The following PGGT1B variants were observed in gnomAD, a reference collection of about 807,000 sequenced individuals.
PGGT1B encodes the protein geranylgeranyl transferase type-1 subunit beta.
In PGGT1B, 30 loss-of-function variants were observed where a neutral mutation model predicts 46.1. That is an observed-to-expected ratio of 0.65 (90% CI 0.49 to 0.88). The LOEUF (loss-of-function observed/expected upper bound fraction) is 0.88. PGGT1B is among the 40% of genes least tolerant of loss of function. The pLI, the probability that PGGT1B is intolerant of heterozygous loss-of-function variation, is 0.00. For missense variants in PGGT1B, 376 were observed against 455.9 expected, an observed-to-expected ratio of 0.82 and a Z score of 1.60; for synonymous variants, 170 against 160.0, an observed-to-expected ratio of 1.06 and a Z score of -0.47.
At chr5:115,258,219 T>A (rs577958527) in intron 1 of PGGT1B, among the ~76,000 whole-genome samples, 14 of 152,348 alleles carry the variant, frequency 9.2e-5, no homozygotes, top group African/African-American at 3.4e-4. Context: ...AATCATCTTC[T>A]TCCTTTCTCA....
In PGGT1B at chr5:115,234,235, T is replaced by C. The variant is rs1190980709; in HGVS notation, c.612+2155A>G. Among the ~76,000 whole-genome samples, 14 of 149,084 alleles carry C rather than the reference T, an allele frequency of 9.4e-5. No individual in the cohort carries two copies. The East Asian group carries it at 2.5e-3, about 27-fold the overall frequency. On this transcript the variant is annotated intron_variant, in intron 5 of 8. Transcript: ENST00000419445. ...AACAGCAAAAAAAAAAAGAATATGG[T>C]ATGCTACCTTATGAAGAAAGGAAAA...
At position 115,241,610 on chromosome 5, in the gene PGGT1B, G is replaced by A. The variant is rs776584704; in HGVS notation, c.260-4C>T. 1.2e-6 allele frequency: 2 copies of A among 1,602,114 alleles called. No homozygotes were observed. Among genetic ancestry groups the A allele is most frequent in the Non-Finnish European group, 1.7e-6 (2 of 1,172,716 alleles). On this transcript the variant is annotated splice_polypyrimidine_tract_variant and splice_region_variant and intron_variant, in intron 2 of 8. Coordinates refer to ENST00000419445, the MANE Select transcript of PGGT1B (RefSeq NM_005023.4). ...CCACAGCGATTTAGATTTGATCCTA[G>A]AAAATAAAAGCATGTGCTTATTTAA...
intron 1 of PGGT1B, among the ~76,000 whole-genome samples, chr5:115,258,190 T>G (rs186549970): frequency 4.2e-4 from 64 of 152,352 alleles, no homozygotes; most frequent in African/African-American, 1.4e-3. Context: ...GGAGGTTACA[T>G]GTTAAGTGCT....
chr5:115,256,381 A>G (rs1748312867), intron 1 of PGGT1B, among the ~76,000 whole-genome samples: 1 of 152,206 alleles, frequency 6.6e-6, no homozygotes, highest in Admixed American at 6.5e-5. Context: ...CTGGATATGA[A>G]TGCACTCTAC....
intron 5 of PGGT1B, among the ~76,000 whole-genome samples, chr5:115,232,399 T>C (rs771249353): frequency 6.6e-6 from 1 of 152,028 alleles, no homozygotes; most frequent in Admixed American, 6.6e-5. Context: ...TGGAAGCTGA[T>C]AGAAACTTAG....
At chr5:115,234,041 G>A (rs915571984) in intron 5 of PGGT1B, among the ~76,000 whole-genome samples, 11 of 151,502 alleles carry the variant, frequency 7.3e-5, no homozygotes, top group Non-Finnish European at 1.6e-4. Flanking sequence ...TCTAAATGTA[G>A]AATAGCTGAA....
At chr5:115,251,873 C>A (rs1205025226) in intron 2 of PGGT1B, among the ~76,000 whole-genome samples, 1 of 151,812 alleles carries the variant, frequency 6.6e-6, no homozygotes, top group Non-Finnish European at 1.5e-5. Flanking sequence ...TTCTACCATA[C>A]CTCAGTCTAA....
intron 5 of PGGT1B, among the ~76,000 whole-genome samples, chr5:115,234,448 G>T (rs1229059143): frequency 6.6e-6 from 1 of 152,028 alleles, no homozygotes; most frequent in Admixed American, 6.6e-5. Context: ...TTTTTGTATA[G>T]TTCTGACCTT....
rs1756146623 is a variant in PGGT1B, at chr5:115,209,110, T to A, written c.*3292A>T. The A allele has an allele frequency of 6.6e-6, 1 of 152,012 alleles. No individual in the cohort carries two copies. Among genetic ancestry groups the A allele is most frequent in the Non-Finnish European group, 1.5e-5 (1 of 67,982 alleles). The allele number at this position is 152,012 out of a possible 1,614,324, so 9.4% of individuals were successfully genotyped here. ...TTAGAGCTCCCATTTTCACAGTGAT[T>A]TAAAAGAATATATATATATATGAAA... On this transcript the variant is annotated 3_prime_UTR_variant, in exon 9 of 9. Transcript: ENST00000419445.
chr5:115,257,317 A>G (rs1748362466), intron 1 of PGGT1B, among the ~76,000 whole-genome samples: 1 of 152,142 alleles, frequency 6.6e-6, no homozygotes, highest in Non-Finnish European at 1.5e-5. Flanking sequence ...ACTCGAGACC[A>G]GCCTGGCCAA....
intron 8 of PGGT1B, among the ~76,000 whole-genome samples, chr5:115,213,485 A>C (rs1451008650): frequency 1.3e-5 from 2 of 152,168 alleles, no homozygotes. Context: ...TAAAGTTCAA[A>C]ACAGGCTGGG....
chr5:115,247,003 T>C (rs1305089861), intron 2 of PGGT1B, among the ~76,000 whole-genome samples: 2 of 152,172 alleles, frequency 1.3e-5, no homozygotes, highest in Non-Finnish European at 2.9e-5. Context: ...AAGTGTGTTA[T>C]TAGAAAATAT....
intron 1 of PGGT1B, 28 bp downstream of exon 1, chr5:115,262,684 C>A: frequency 6.3e-7 from 1 of 1,585,562 alleles, no homozygotes; most frequent in Non-Finnish European, 8.6e-7. Flanking sequence ...GGCCTTGTGC[C>A]AGCCTGGCTG....
chr5:115,257,484 C>T (rs1325570787), intron 1 of PGGT1B, among the ~76,000 whole-genome samples: 6 of 133,408 alleles, frequency 4.5e-5, no homozygotes, highest in Non-Finnish European at 6.1e-5. Context: ...GAGCCGAGAT[C>T]GTGCCATTGC....
chr5:115,242,346 G>A (rs1757373442), intron 2 of PGGT1B, among the ~76,000 whole-genome samples: 1 of 152,080 alleles, frequency 6.6e-6, no homozygotes, highest in Non-Finnish European at 1.5e-5. Context: ...TAGAAAATCA[G>A]TATGATAGAT....
rs903214009 is a variant in PGGT1B at position 115,209,123 on chromosome 5, T to C, written c.*3279A>G. 1.2e-4 allele frequency: 19 copies of C among 152,032 alleles called. No homozygotes were observed. The highest frequency in any genetic ancestry group is 4.1e-4 in the African/African-American group (17 of 41,400). The allele number at this position is 152,032 out of a possible 1,614,324, so 9.4% of individuals were successfully genotyped here. A position where few individuals can be genotyped will look rare whatever the true frequency, so the allele number is the denominator to read the frequency against. On this transcript the variant is annotated 3_prime_UTR_variant, in exon 9 of 9. Coordinates refer to ENST00000419445, the MANE Select transcript of PGGT1B (RefSeq NM_005023.4). ...TTTCACAGTGATTTAAAAGAATATA[T>C]ATATATATGAAAATACACATATATA... is the stretch of plus-strand genomic sequence containing the variant.
rs1216222189 is a variant in PGGT1B, at chr5:115,211,639, G to GT, written c.*762_*763insA. The GT allele has an allele frequency of 2.4e-5, 3 of 122,582 alleles. No homozygotes were observed. The highest frequency in any genetic ancestry group is 5.2e-5 in the Non-Finnish European group (3 of 57,908). The allele number at this position is 122,582 out of a possible 1,614,324, so 7.6% of individuals were successfully genotyped here. On this transcript the variant is annotated 3_prime_UTR_variant, in exon 9 of 9. Coordinates refer to ENST00000419445, the MANE Select transcript of PGGT1B (RefSeq NM_005023.4). Reference sequence around the variant, plus strand: ...AAAAAAAAGGCAACTAATGATTTGAGAATAAAATCAAACATAACTGGTATT... The same window carrying GT: ...AAAAAAAAGGCAACTAATGATTTGAGTAATAAAATCAAACATAACTGGTATT...
chr5:115,248,935 A>G (rs940290354), intron 2 of PGGT1B, among the ~76,000 whole-genome samples: 1 of 152,214 alleles, frequency 6.6e-6, no homozygotes, highest in Non-Finnish European at 1.5e-5. Context: ...TATTTCTTCC[A>G]TTAGCAAAAA....
intron 3 of PGGT1B, 100 bp downstream of exon 3, chr5:115,241,439 A>G: frequency 1.7e-6 from 1 of 595,272 alleles, no homozygotes; most frequent in Non-Finnish European, 2.8e-6. Flanking sequence ...CCACATTGAA[A>G]TCTGGAAGCC....
Sources: allele counts gnomAD v4.1 joint callset (sites outside exome capture counted in the v4.1 genomes callset), GRCh38; gene constraint gnomAD v4.1.1; transcripts MANE v1.5; gene names NCBI Gene and HGNC (gene_info 2026-07-23, HGNC 2026-07-21).